RBL2: variants seen among roughly 807,000 people sequenced by gnomAD.
The protein encoded by RBL2 is RB transcriptional corepressor like 2, also known as retinoblastoma-like protein 2.
A neutral mutation model predicts 126.0 loss-of-function variants in RBL2; 56 were observed. The observed-to-expected ratio is 0.44, with a 90% CI of 0.36 to 0.56. The LOEUF is 0.56. RBL2 is among the 20% of genes least tolerant of loss of function. The pLI is 0.00. For synonymous variants in RBL2, 454 were observed against 478.5 expected, an observed-to-expected ratio of 0.95 and a Z score of 0.67; for missense variants, 1,229 against 1,398.2, an observed-to-expected ratio of 0.88 and a Z score of 1.93.
In RBL2 at chr16:53,490,312, T is replaced by C. The variant is rs1961367062; in HGVS notation, c.*12T>C. 2 of 1,557,166 alleles carry C rather than the reference T, an allele frequency of 1.3e-6. No individual in the cohort carries two copies. Among genetic ancestry groups the C allele is most frequent in the African/African-American group, 1.4e-5 (1 of 73,200 alleles). On this transcript the variant is annotated 3_prime_UTR_variant, in exon 22 of 22. Coordinates refer to ENST00000262133, the MANE Select transcript of RBL2 (RefSeq NM_005611.4). ...GTGGTTCCCACTGAGGTTAGTCTCT[T>C]GTATTAAACTCTTCACAAAATCTGT...
At chr16:53,461,541 G>GTT (rs56314500) in intron 9 of RBL2, among the ~76,000 whole-genome samples, 200 bp from the exon 10 acceptor site, 7 of 145,454 alleles carry the variant, frequency 4.8e-5, no homozygotes, top group East Asian at 4.0e-4. Context: ...CACAAGAAAA[G>GTT]TTTTTTTTTT....
At chr16:53,485,881 C>A (rs1038447237) in intron 21 of RBL2, among the ~76,000 whole-genome samples, 4 of 148,928 alleles carry the variant, frequency 2.7e-5, no homozygotes, top group Non-Finnish European at 5.9e-5. Flanking sequence ...AAACAAAAAA[C>A]CACCTAGGTA....
In RBL2 at chr16:53,434,757, G is replaced by C; in HGVS notation, c.201G>C (p.Trp67Cys). Residue 67 changes from tryptophan (W) to cysteine (C), a missense_variant, in exon 1 of 22, where the codon TGG (tryptophan) becomes TGC (cysteine). This residue lies in a region of RBL2 where 159 missense variants were observed against 123.9 expected (regional missense o/e 1.28). Coordinates refer to ENST00000262133, the MANE Select transcript of RBL2 (RefSeq NM_005611.4). ...ACGAGGCGGCGCGGGCCGAGGCCTG[G>C]GACAGCTACCGCAGCATGAGCGAAA... ...NMDEAARAEA[W>C]DSYRSMSESY... 6.5e-7 allele frequency: 1 copy of C among 1,538,640 alleles called. No homozygotes were observed. Among genetic ancestry groups the C allele is most frequent in the Non-Finnish European group, 8.7e-7 (1 of 1,149,338 alleles).
At chr16:53,469,441 T>G (rs2150812944) in intron 14 of RBL2, among the ~76,000 whole-genome samples, 1 of 152,312 alleles carries the variant, frequency 6.6e-6, no homozygotes, top group Middle Eastern at 3.4e-3. Context: ...ATAAAACCGG[T>G]GGCGGAATGC....
chr16:53,485,856 A>AAAAAAC (rs146234969), intron 21 of RBL2, among the ~76,000 whole-genome samples: 4,001 of 135,634 alleles, frequency 0.029, 171 homozygotes, highest in African/African-American at 0.095. Flanking sequence ...ACCATCTAAA[A>AAAAAAC]AAAAACAAAA....
In RBL2 at chr16:53,470,626, C is replaced by G; in HGVS notation, c.2489C>G (p.Pro830Arg). 1 of 1,614,126 alleles carries G rather than the reference C, an allele frequency of 6.2e-7. No individual in the cohort carries two copies. Among genetic ancestry groups the G allele is most frequent in the Non-Finnish European group, 8.5e-7 (1 of 1,180,020 alleles). Residue 830 changes from proline (P) to arginine (R), a missense_variant, in exon 16 of 22, where the codon CCC becomes CGC. Coordinates refer to ENST00000262133, the MANE Select transcript of RBL2 (RefSeq NM_005611.4). The stretch of plus-strand genomic sequence containing the variant: ...TCTGTAACCAGCAGTAGTAATAGAC[C>G]CAGGAAGACCAGCTCTTTATCGCTT... ...GQSVTSSSNR[P>R]RKTSSLSLFF...
At chr16:53,442,128 TTC>T (rs1167104053) in intron 2 of RBL2, among the ~76,000 whole-genome samples, 3 of 152,046 alleles carry the variant, frequency 2.0e-5, no homozygotes, top group Non-Finnish European at 4.4e-5. Context: ...CCTTGACTGC[TTC>T]TATAGTGTTG....
In RBL2 at chr16:53,477,057, T is replaced by TTGTGTGTGTG. The variant is rs36075761; in HGVS notation, c.2704-2081_2704-2072dup. On this transcript the variant is annotated intron_variant, in intron 17 of 21. Transcript: ENST00000262133. ...TTAACGTCAGTACTTTGGTTTCATT[T>TTGTGTGTGTG]TGTGTGTGTGTGTGTGTGTGTGTGT... Among the ~76,000 whole-genome samples, 8 of 151,054 alleles carry TTGTGTGTGTG rather than the reference T, an allele frequency of 5.3e-5. No individual in the cohort carries two copies. In the East Asian group the frequency reaches 9.7e-4, roughly 18 times the overall value.
chr16:53,464,933 A>C (rs889890709), intron 12 of RBL2: 1 of 152,644 alleles, frequency 6.6e-6, no homozygotes. Flanking sequence ...AGCTGGGACT[A>C]CAGGCGGCCG....
At chr16:53,461,290 C>T (rs1165254968) in intron 9 of RBL2, among the ~76,000 whole-genome samples, 3 of 152,092 alleles carry the variant, frequency 2.0e-5, no homozygotes, top group Non-Finnish European at 4.4e-5. Context: ...GCCAGGAGTT[C>T]GAGACCAGCC....
chr16:53,482,102 CCTG>C (rs1045325646), intron 21 of RBL2, among the ~76,000 whole-genome samples: 4 of 152,136 alleles, frequency 2.6e-5, no homozygotes, highest in Non-Finnish European at 5.9e-5. Context: ...TTGCTGTAAA[CCTG>C]AAATTTGTGT....
At chr16:53,442,205 A>G (rs1299703651) in intron 2 of RBL2, among the ~76,000 whole-genome samples, 5 of 152,142 alleles carry the variant, frequency 3.3e-5, no homozygotes, top group Non-Finnish European at 7.4e-5. Flanking sequence ...ACAGTGTTCT[A>G]GGAAGCCAAA....
At chr16:53,488,717 C>CA (rs1455074887) in intron 21 of RBL2, 1 of 152,120 alleles carries the variant, frequency 6.6e-6, no homozygotes. Flanking sequence ...TGATACTTGA[C>CA]AGAGCAGTGT....
rs1264144313 is a variant in RBL2 at position 53,479,989 on chromosome 16, GAAGT to G, written c.2881+3_2881+6del. 4 of 1,581,182 alleles carry G rather than the reference GAAGT, an allele frequency of 2.5e-6. No individual in the cohort carries two copies. The highest frequency in any genetic ancestry group is 2.7e-5 in the African/African-American group (2 of 73,418). On this transcript the variant is annotated splice_donor_variant and coding_sequence_variant, in exon 19 of 22. Transcript: ENST00000262133. LOFTEE classifies it high-confidence loss of function. ...TCTCCAACAGAACTAAACAAAGATAGAAGTAAGTGGGATCTTTGTGAACTACAAG... is the reference window on the plus strand; with the variant it reads ...TCTCCAACAGAACTAAACAAAGATAGAAGTGGGATCTTTGTGAACTACAAG...
chr16:53,473,955 A>G (rs2150817856), intron 17 of RBL2, among the ~76,000 whole-genome samples: 1 of 152,074 alleles, frequency 6.6e-6, no homozygotes, highest in Non-Finnish European at 1.5e-5. Context: ...TAATCTTCCT[A>G]TGTTAAACCA....
intron 5 of RBL2, among the ~76,000 whole-genome samples, chr16:53,453,171 A>G (rs2058131763): frequency 6.6e-6 from 1 of 152,182 alleles, no homozygotes; most frequent in African/African-American, 2.4e-5. Context: ...AGATCTTAGT[A>G]TCCTAAAATT....
At chr16:53,435,267 T>G (rs2057946748) in intron 1 of RBL2, among the ~76,000 whole-genome samples, 1 of 152,164 alleles carries the variant, frequency 6.6e-6, no homozygotes, top group South Asian at 2.1e-4. Flanking sequence ...TGCCCTGGCG[T>G]TGCGGGCGTT....
intron 8 of RBL2, 85 bp from the exon 9 acceptor site, chr16:53,459,366 G>A (rs2058197445): frequency 6.3e-6 from 7 of 1,118,356 alleles, no homozygotes; most frequent in Non-Finnish European, 9.0e-6. Context: ...AGTCCCATTT[G>A]TGAAGTGAAT....
chr16:53,444,080 C>G (rs1228594088), intron 3 of RBL2, among the ~76,000 whole-genome samples: 1 of 151,924 alleles, frequency 6.6e-6, no homozygotes, highest in Non-Finnish European at 1.5e-5. Flanking sequence ...AAAACCCCGT[C>G]TCTACTAAAA....
Sources: gnomAD v4.1 joint callset for allele counts (sites outside exome capture counted in the v4.1 genomes callset) on GRCh38, gnomAD v4.1.1 for gene constraint, gnomAD v4.1.1 regional missense constraint, MANE v1.5 for transcripts, NCBI Gene and HGNC (gene_info 2026-07-23, HGNC 2026-07-21) for gene names.